The following GABRG3 variants were observed in gnomAD, a reference collection of about 807,000 sequenced individuals.
The protein encoded by GABRG3 is gamma-aminobutyric acid receptor subunit gamma-3.
In GABRG3, 25 loss-of-function variants were observed where a neutral mutation model predicts 48.8. That is an observed-to-expected ratio of 0.51 (90% CI 0.37 to 0.72). GABRG3 has a LOEUF of 0.72. GABRG3 is among the 30% of genes least tolerant of loss of function. The pLI, the probability that GABRG3 is intolerant of heterozygous loss-of-function variation, is 0.00. For synonymous variants in GABRG3, 227 were observed against 217.6 expected (o/e 1.04, Z -0.38); for missense variants, 394 against 577.9 (o/e 0.68, Z 3.26).
At chr15:27,100,962 G>C (rs747972177) in intron 3 of GABRG3, among the ~76,000 whole-genome samples, 1 of 152,168 alleles carries the variant, frequency 6.6e-6, no homozygotes, top group Non-Finnish European at 1.5e-5. Context: ...GGAAGTCCTA[G>C]CACCTGCACG....
At chr15:27,330,908 T>C (rs919514042) in intron 5 of GABRG3, among the ~76,000 whole-genome samples, 2 of 152,206 alleles carry the variant, frequency 1.3e-5, no homozygotes, top group Non-Finnish European at 2.9e-5. Context: ...GACAGTCTTA[T>C]ATATAATGTC....
chr15:27,268,486 G>A (rs11638910), intron 3 of GABRG3, among the ~76,000 whole-genome samples: 89,798 of 151,590 alleles, frequency 0.59, 27,186 homozygotes, highest in Non-Finnish European at 0.65. Context: ...TTTTAGTTCA[G>A]TTGATTTTCT....
At chr15:27,520,980 A>G (rs1249455737) in intron 7 of GABRG3, among the ~76,000 whole-genome samples, 2 of 152,028 alleles carry the variant, frequency 1.3e-5, no homozygotes, top group Non-Finnish European at 2.9e-5. Context: ...TACCTATACT[A>G]GATTTGCATG....
At chr15:27,527,116 A>G (rs1040973335) in intron 7 of GABRG3, among the ~76,000 whole-genome samples, 6 of 152,234 alleles carry the variant, frequency 3.9e-5, no homozygotes, top group African/African-American at 1.4e-4. Flanking sequence ...GTGGAACAGC[A>G]CGGAACATAT....
chr15:27,174,003 A>T lies in GABRG3; in HGVS notation c.270+147182A>T, dbSNP rs114463143. Among the ~76,000 whole-genome samples the T allele has an allele frequency of 3.8e-3, 576 of 152,286 alleles. 4 individuals carry two copies. Among genetic ancestry groups the T allele is most frequent in the African/African-American group, 0.013 (560 of 41,556 alleles). ...TCAAGATGTTTTTGCACCTTTTGAT[A>T]TTTTTGATGGTGAAATATTTTAATG... On this transcript the variant is annotated intron_variant, in intron 3 of 9. Transcript: ENST00000615808.
intron 3 of GABRG3, among the ~76,000 whole-genome samples, chr15:27,141,095 A>G (rs1209444610): frequency 6.6e-6 from 1 of 152,142 alleles, no homozygotes; most frequent in African/African-American, 2.4e-5. Flanking sequence ...TTTGGGTGGA[A>G]TAGTGGTGGA....
At chr15:27,207,608 G>A (rs560894320) in intron 3 of GABRG3, among the ~76,000 whole-genome samples, 27 of 152,288 alleles carry the variant, frequency 1.8e-4, no homozygotes, top group East Asian at 5.8e-4. Flanking sequence ...CTTATGATGC[G>A]ACAGCAATAT....
At chr15:27,112,479 G>C (rs1897570332) in intron 3 of GABRG3, among the ~76,000 whole-genome samples, 1 of 126,826 alleles carries the variant, frequency 7.9e-6, no homozygotes, top group South Asian at 2.5e-4. Context: ...TCACTGTGTT[G>C]CCCAGGCTTG....
At position 27,170,384 on chromosome 15, in the gene GABRG3, A is replaced by G. The variant is rs549331514; in HGVS notation, c.270+143563A>G. The stretch of plus-strand genomic sequence containing the variant: ...TACTGATAAATATATACATATATGT[A>G]TATATACATGTGTGTGCATACATAT... On this transcript the variant is annotated intron_variant, in intron 3 of 9. Transcript: ENST00000615808. Among the ~76,000 whole-genome samples, 45 of 152,296 alleles carry G rather than the reference A, an allele frequency of 3.0e-4. 1 individual carries two copies. The highest frequency in any genetic ancestry group is 1.1e-3 in the Admixed American group (17 of 15,302).
chr15:26,989,740 T>C (rs1233513710), intron 2 of GABRG3, among the ~76,000 whole-genome samples: 1 of 152,152 alleles, frequency 6.6e-6, no homozygotes, highest in Non-Finnish European at 1.5e-5. Flanking sequence ...TTCTAACTAT[T>C]CTTTTATATT....
At chr15:27,513,449 C>CA (rs368762091) in intron 6 of GABRG3, among the ~76,000 whole-genome samples, 8,878 of 133,532 alleles carry the variant, frequency 0.066, 948 homozygotes, top group African/African-American at 0.23. Context: ...GACTCCGTCT[C>CA]AAAAAAAAAG....
At chr15:27,358,159 C>A (rs1894902674) in intron 5 of GABRG3, among the ~76,000 whole-genome samples, 1 of 152,140 alleles carries the variant, frequency 6.6e-6, no homozygotes, top group Non-Finnish European at 1.5e-5. Context: ...TTAGTATTGG[C>A]AACAAATACT....
chr15:27,225,976 C>CT (rs1889600219), intron 3 of GABRG3, among the ~76,000 whole-genome samples: 1 of 152,176 alleles, frequency 6.6e-6, no homozygotes, highest in Non-Finnish European at 1.5e-5. Context: ...ATGATGACCA[C>CT]TTTTTGCATT....
At chr15:27,347,997 G>A (rs746824407) in intron 5 of GABRG3, among the ~76,000 whole-genome samples, 1 of 151,846 alleles carries the variant, frequency 6.6e-6, no homozygotes, top group Non-Finnish European at 1.5e-5. Context: ...CAACCTTCAA[G>A]CTTTTTTTCA....
chr15:27,360,085 T>C (rs1436478574), intron 5 of GABRG3, among the ~76,000 whole-genome samples: 1 of 151,530 alleles, frequency 6.6e-6, no homozygotes, highest in Non-Finnish European at 1.5e-5. Flanking sequence ...GGGTCAGGAG[T>C]GCTGCAGGAA....
rs1440676030 is a variant in GABRG3, at chr15:27,196,471, T to C, written c.271-130338T>C. Among the ~76,000 whole-genome samples, 3 of 152,206 alleles carry C rather than the reference T, an allele frequency of 2.0e-5. No individual in the cohort carries two copies. The East Asian group carries it at 5.8e-4, about 29-fold the overall frequency. ...AAAATGCCGAAGTGTCTTTTTTGCC[T>C]ATCAAATTATGTATAACCTCCTCCC... On this transcript the variant is annotated intron_variant, in intron 3 of 9. Transcript: ENST00000615808.
chr15:27,021,157 TA>T (rs1041156601), intron 2 of GABRG3, among the ~76,000 whole-genome samples: 3 of 152,184 alleles, frequency 2.0e-5, no homozygotes, highest in African/African-American at 7.2e-5. Flanking sequence ...ACACGTGTCC[TA>T]AAAATATGTA....
intron 5 of GABRG3, among the ~76,000 whole-genome samples, chr15:27,470,389 A>G (rs75569994): frequency 1.4e-5 from 2 of 147,480 alleles, no homozygotes; most frequent in African/African-American, 5.0e-5. Flanking sequence ...ATGCCCAGCT[A>G]TTTTTTTTTT....
chr15:26,989,988 A>G (rs912493283), intron 2 of GABRG3, among the ~76,000 whole-genome samples: 3 of 152,208 alleles, frequency 2.0e-5, no homozygotes, highest in African/African-American at 7.2e-5. Flanking sequence ...GTATTACATT[A>G]TGTATATGTG....
Sources: gnomAD v4.1 joint callset for allele counts (sites outside exome capture counted in the v4.1 genomes callset) on GRCh38, gnomAD v4.1.1 for gene constraint, MANE v1.5 for transcripts, NCBI Gene and HGNC (gene_info 2026-07-23, HGNC 2026-07-21) for gene names.